The following LRRK1 variants were observed in gnomAD, a reference collection of about 807,000 sequenced individuals.
The protein encoded by LRRK1 is leucine-rich repeat serine/threonine-protein kinase 1.
Under a neutral mutation model 209.1 loss-of-function variants are expected in LRRK1, and 113 were observed. The observed-to-expected ratio is 0.54, with a 90% CI of 0.46 to 0.63. The LOEUF (loss-of-function observed/expected upper bound fraction) is 0.63, where lower values mean the gene tolerates loss of function less well. Ranked by LOEUF, LRRK1 falls within the 30% of genes least tolerant of loss-of-function variation. LRRK1 has a pLI of 0.00. For synonymous variants in LRRK1, 1,144 were observed against 1,099.7 expected, an observed-to-expected ratio of 1.04 and a Z score of -0.80; for missense variants, 2,284 against 2,632.2, an observed-to-expected ratio of 0.87 and a Z score of 2.89.
chr15:100,981,031 T>G (rs898218589), intron 3 of LRRK1, among the ~76,000 whole-genome samples: 10 of 152,250 alleles, frequency 6.6e-5, no homozygotes, highest in Non-Finnish European at 1.5e-5. Flanking sequence ...CTGTGAGTAC[T>G]ATAAATAAAT....
At chr15:100,967,259 G>T (rs1000424548) in intron 2 of LRRK1, among the ~76,000 whole-genome samples, 3 of 152,118 alleles carry the variant, frequency 2.0e-5, no homozygotes, top group African/African-American at 7.2e-5. Flanking sequence ...TTATTCACAC[G>T]TATAACCGCT....
intron 9 of LRRK1, 70 bp from the exon 10 acceptor site, chr15:101,011,938 C>T (rs2033269414): frequency 9.2e-7 from 1 of 1,092,838 alleles, no homozygotes; most frequent in East Asian, 2.4e-5. Context: ...AATTTGGAAA[C>T]AGTCTCAAAG....
At chr15:100,953,289 C>A (rs1473928794) in intron 2 of LRRK1, among the ~76,000 whole-genome samples, 1 of 152,162 alleles carries the variant, frequency 6.6e-6, no homozygotes, top group African/African-American at 2.4e-5. Context: ...CCTATTTCTC[C>A]CATGCCCCAG....
intron 3 of LRRK1, among the ~76,000 whole-genome samples, chr15:100,978,907 A>G (rs2031449928): frequency 6.6e-6 from 1 of 152,106 alleles, no homozygotes; most frequent in African/African-American, 2.4e-5. Flanking sequence ...AGGCTGTATT[A>G]CCCTGACACC....
At chr15:100,989,525 C>G in intron 6 of LRRK1, 127 bp downstream of exon 6, 1 of 982,930 alleles carries the variant, frequency 1.0e-6, no homozygotes. Context: ...ATTGAGAAGT[C>G]CAAGAGCATA....
chr15:101,040,294 A>AT (rs1475770480), intron 20 of LRRK1, among the ~76,000 whole-genome samples: 2 of 151,734 alleles, frequency 1.3e-5, no homozygotes, highest in Admixed American at 1.3e-4. Flanking sequence ...TTTTCAATAA[A>AT]TTTTTTCATT....
chr15:101,020,369 CTTTT>C (rs1258764876), intron 12 of LRRK1, among the ~76,000 whole-genome samples: 13 of 98,458 alleles, frequency 1.3e-4, no homozygotes, highest in African/African-American at 5.0e-4. Context: ...CGGTTCTGAA[CTTTT>C]TTTTTTTTTT....
chr15:101,016,147 G>A (rs367837117), intron 12 of LRRK1, among the ~76,000 whole-genome samples: 62 of 152,096 alleles, frequency 4.1e-4, no homozygotes, highest in African/African-American at 1.3e-3. Context: ...GTGCCACCAT[G>A]CCTGGCTAAT....
At position 100,941,370 on chromosome 15, in the gene LRRK1, G is replaced by GTGTCTCTGTGTGTGTCTGTGTGTGTGTC. The variant is rs1567190876; in HGVS notation, c.97+16642_97+16643insGTCTCTGTGTGTGTCTGTGTGTGTGTCT. Among the ~76,000 whole-genome samples, 37 of 73,068 alleles carry GTGTCTCTGTGTGTGTCTGTGTGTGTGTC rather than the reference G, an allele frequency of 5.1e-4. 3 individuals carry two copies. The highest frequency in any genetic ancestry group is 3.9e-3 in the East Asian group (12 of 3,112). The allele number at this position is 73,068 out of a possible 152,430, so 47.9% of individuals were successfully genotyped here. ...TCTTTGTGTGTGTGTGTGTGTGCCT[G>GTGTCTCTGTGTGTGTCTGTGTGTGTGTC]TATGTGTGTGTCTGTGTCTCTGTGT... On this transcript the variant is annotated intron_variant, in intron 2 of 33. Transcript: ENST00000388948.
chr15:101,057,997 T>C lies in LRRK1; in HGVS notation c.4535T>C (p.Leu1512Pro), dbSNP rs749075771. The change falls in exon 29 of 34, where the codon CTG becomes CCG. Residue 1512 changes from leucine (L) to proline (P), a missense_variant. Around this residue, in one of 6 missense-constraint regions of LRRK1, gnomAD observed 643 missense variants for 695.9 expected, o/e 0.92. Transcript: ENST00000388948. ...GTGGCTTCTCTCCCTCAGCGACCGCTGGCCCTGTCGGTGGTGAGCCAGATG... is the reference window on the plus strand; with the variant it reads ...GTGGCTTCTCTCCCTCAGCGACCGCCGGCCCTGTCGGTGGTGAGCCAGATG... ...CWDTKPEKRP[L>P]ALSVVSQMKD... 3.7e-6 allele frequency: 6 copies of C among 1,614,126 alleles called. No homozygotes were observed. The highest frequency in any genetic ancestry group is 5.1e-6 in the Non-Finnish European group (6 of 1,180,014).
At chr15:101,020,023 G>T (rs2033704717) in intron 12 of LRRK1, among the ~76,000 whole-genome samples, 1 of 152,208 alleles carries the variant, frequency 6.6e-6, no homozygotes, top group Non-Finnish European at 1.5e-5. Flanking sequence ...GAATGGCATT[G>T]TAAGAAGCAT....
intron 3 of LRRK1, among the ~76,000 whole-genome samples, chr15:100,982,400 A>C (rs1313497827): frequency 6.6e-6 from 1 of 152,242 alleles, no homozygotes; most frequent in Non-Finnish European, 1.5e-5. Context: ...GTGATAAGTC[A>C]AGGCCACTTT....
intron 2 of LRRK1, among the ~76,000 whole-genome samples, chr15:100,961,671 A>G (rs902089900): frequency 6.7e-6 from 1 of 150,272 alleles, no homozygotes; most frequent in Non-Finnish European, 1.5e-5. Context: ...AAAAAACCAT[A>G]GCAGTTGGGA....
At chr15:100,980,288 T>A (rs1177020122) in intron 3 of LRRK1, among the ~76,000 whole-genome samples, 12 of 146,688 alleles carry the variant, frequency 8.2e-5, no homozygotes, top group Admixed American at 1.3e-4. Context: ...TATGCTGATT[T>A]AAAAAAAAAA....
chr15:101,002,071 A>G (rs571662878), intron 6 of LRRK1, among the ~76,000 whole-genome samples: 49 of 152,206 alleles, frequency 3.2e-4, no homozygotes, highest in Non-Finnish European at 5.6e-4. Flanking sequence ...AAACCAGGCT[A>G]AAAGCTTTGT....
intron 2 of LRRK1, among the ~76,000 whole-genome samples, chr15:100,970,425 G>A (rs1388516034): frequency 6.6e-6 from 1 of 152,062 alleles, no homozygotes; most frequent in African/African-American, 2.4e-5. Flanking sequence ...TACTGCTTTG[G>A]CTCCCTTGTC....
intron 31 of LRRK1, among the ~76,000 whole-genome samples, chr15:101,063,806 C>G (rs2036345662): frequency 1.7e-5 from 2 of 115,492 alleles, no homozygotes; most frequent in South Asian, 5.5e-4. Flanking sequence ...TCTTCAGTTT[C>G]ATTTAAAAAA....
At position 101,027,350 on chromosome 15, in the gene LRRK1, C is replaced by A; in HGVS notation, c.2495C>A (p.Thr832Asn). ...TGCAGCATGAAGGACGTGGGCAGCA[C>A]CATCGGCTGCCAGCGACTGGCAGGG... is the stretch of plus-strand genomic sequence containing the variant. ...VTCSMKDVGS[T>N]IGCQRLAGRL... The change falls in exon 18 of 34, where the codon ACC becomes AAC. Residue 832 changes from threonine to asparagine, a missense_variant. This residue lies in a region of LRRK1 where 780 missense variants were observed against 985.2 expected (regional missense o/e 0.79). Coordinates refer to ENST00000388948, the MANE Select transcript of LRRK1 (RefSeq NM_024652.6). The surrounding 1 kb of genome is among the most constrained non-coding windows in gnomAD (Gnocchi z 5.1). 1 of 1,613,900 alleles carries A rather than the reference C, an allele frequency of 6.2e-7. No individual in the cohort carries two copies. The highest frequency in any genetic ancestry group is 1.7e-5 in the Admixed American group (1 of 60,022).
chr15:100,975,466 G>A (rs2031239297), intron 3 of LRRK1, among the ~76,000 whole-genome samples: 1 of 152,152 alleles, frequency 6.6e-6, no homozygotes, highest in Non-Finnish European at 1.5e-5. Context: ...GGAAAACAGA[G>A]TCCAGGGTGT....
Sources: gnomAD v4.1 joint callset for allele counts (sites outside exome capture counted in the v4.1 genomes callset) on GRCh38, gnomAD v4.1.1 for gene constraint, gnomAD v4.1.1 regional missense constraint, Gnocchi (gnomAD v3.1) non-coding constraint, MANE v1.5 for transcripts, NCBI Gene and HGNC (gene_info 2026-07-23, HGNC 2026-07-21) for gene names.